ASB3: variants seen among roughly 807,000 people sequenced by gnomAD.
ASB3 encodes ankyrin repeat and SOCS box containing 3.
A neutral mutation model predicts 54.5 loss-of-function variants in ASB3; 41 were observed. The observed-to-expected ratio is 0.75, with a 90% CI of 0.59 to 0.98. The LOEUF (loss-of-function observed/expected upper bound fraction) is 0.98, where lower values mean the gene tolerates loss of function less well. Among genes scored for constraint, ASB3 ranks in the 50% least tolerant of loss-of-function variants. ASB3 has a pLI of 0.00. For synonymous variants in ASB3, 266 were observed against 221.2 expected, an observed-to-expected ratio of 1.20 and a Z score of -1.80; for missense variants, 733 against 620.0, an observed-to-expected ratio of 1.18 and a Z score of -1.94.
At chr2:53,678,488 C>G (rs1668201078) in intron 9 of ASB3, among the ~76,000 whole-genome samples, 1 of 152,150 alleles carries the variant, frequency 6.6e-6, no homozygotes, top group African/African-American at 2.4e-5. Context: ...GCCACTTGAC[C>G]AATTTGTGAG....
rs572942837 is a variant in ASB3, at chr2:53,698,516, T to A, written c.1238+1755A>T. Reference sequence around the variant, plus strand: ...CTCTATAAGTGGCCACAAGTAGCCATGCAGCAGCCTGAATGCTTTGCTACT... The same window carrying A: ...CTCTATAAGTGGCCACAAGTAGCCAAGCAGCAGCCTGAATGCTTTGCTACT... On this transcript the variant is annotated intron_variant, in intron 8 of 9. Coordinates refer to ENST00000263634, the MANE Select transcript of ASB3 (RefSeq NM_016115.5). 8.5e-5 allele frequency among the ~76,000 whole-genome samples: 13 copies of A among 152,322 alleles called. No homozygotes were observed. In the South Asian group the frequency reaches 2.3e-3, roughly 27 times the overall value.
intron 1 of ASB3, among the ~76,000 whole-genome samples, chr2:53,765,979 A>G (rs1017933959): frequency 2.6e-5 from 4 of 152,028 alleles, no homozygotes; most frequent in African/African-American, 9.7e-5. Flanking sequence ...CCCAGTGTAC[A>G]CTACATTATG....
At chr2:53,758,443 A>G (rs991211067) in intron 2 of ASB3, among the ~76,000 whole-genome samples, 1 of 152,164 alleles carries the variant, frequency 6.6e-6, no homozygotes, top group African/African-American at 2.4e-5. Flanking sequence ...GGTTACCTAC[A>G]CCCTCTCTGA....
chr2:53,692,540 T>C (rs896094705), intron 9 of ASB3, among the ~76,000 whole-genome samples: 7 of 152,170 alleles, frequency 4.6e-5, no homozygotes, highest in African/African-American at 1.7e-4. Flanking sequence ...CTCTACCTAG[T>C]ACTTAATTAA....
intron 9 of ASB3, among the ~76,000 whole-genome samples, chr2:53,676,789 G>C (rs1668103120): frequency 6.6e-6 from 1 of 151,938 alleles, no homozygotes; most frequent in Non-Finnish European, 1.5e-5. Flanking sequence ...GTTTTGTTTT[G>C]AGACGGAGTC....
At chr2:53,679,876 T>C (rs1668272596) in intron 9 of ASB3, among the ~76,000 whole-genome samples, 1 of 152,166 alleles carries the variant, frequency 6.6e-6, no homozygotes, top group African/African-American at 2.4e-5. Flanking sequence ...TTCGTTATTT[T>C]TTCCTGGTCC....
At chr2:53,681,061 C>T (rs900401624) in intron 9 of ASB3, among the ~76,000 whole-genome samples, 24 of 152,168 alleles carry the variant, frequency 1.6e-4, no homozygotes, top group Admixed American at 2.6e-4. Context: ...ATGACAGGCT[C>T]TCATTCTTTT....
chr2:53,697,792 G>A (rs1558522961), intron 8 of ASB3, among the ~76,000 whole-genome samples: 1 of 152,180 alleles, frequency 6.6e-6, no homozygotes, highest in Non-Finnish European at 1.5e-5. Context: ...GGGCTTCCTG[G>A]ATAAACTGGG....
At chr2:53,753,044 T>TAA (rs201677821) in intron 2 of ASB3, among the ~76,000 whole-genome samples, 6 of 150,736 alleles carry the variant, frequency 4.0e-5, no homozygotes, top group African/African-American at 9.7e-5. Flanking sequence ...TGTACGCAAT[T>TAA]TAAAAAAAAA....
At chr2:53,716,267 G>C (rs1185789321) in intron 6 of ASB3, among the ~76,000 whole-genome samples, 1 of 152,160 alleles carries the variant, frequency 6.6e-6, no homozygotes, top group Non-Finnish European at 1.5e-5. Flanking sequence ...TAAAACTAGG[G>C]AGGAGGAGGC....
At chr2:53,678,683 G>A (rs1668212063) in intron 9 of ASB3, among the ~76,000 whole-genome samples, 1 of 152,170 alleles carries the variant, frequency 6.6e-6, no homozygotes, top group Non-Finnish European at 1.5e-5. Flanking sequence ...TGTATGCTAA[G>A]TGGAGGATGG....
intron 2 of ASB3, among the ~76,000 whole-genome samples, chr2:53,761,330 T>C (rs1673133101): frequency 6.6e-6 from 1 of 152,036 alleles, no homozygotes. Context: ...ATGATCAGGA[T>C]ATAAACTCAG....
intron 9 of ASB3, among the ~76,000 whole-genome samples, chr2:53,687,342 C>A (rs752482838): frequency 6.6e-6 from 1 of 152,124 alleles, no homozygotes; most frequent in South Asian, 2.1e-4. Flanking sequence ...AACCAAGGCA[C>A]GAATCTGCTA....
intron 7 of ASB3, among the ~76,000 whole-genome samples, 185 bp from the exon 8 acceptor site, chr2:53,700,713 C>T (rs1365793217): frequency 6.6e-6 from 1 of 152,066 alleles, no homozygotes; most frequent in Non-Finnish European, 1.5e-5. Context: ...TTTACACCCT[C>T]CTGCATGGTT....
intron 9 of ASB3, among the ~76,000 whole-genome samples, chr2:53,673,300 G>A (rs1667914243): frequency 6.6e-6 from 1 of 152,184 alleles, no homozygotes; most frequent in South Asian, 2.1e-4. Flanking sequence ...AAGGATGGCT[G>A]TGCAACCCGG....
Position 53,759,633 on chromosome 2 carries a change from G to A in ASB3, c.196+5744C>T, listed in dbSNP as rs569285840. ...GGTCTTCAGGCAAATGGACTTTGAA[G>A]GCTCTGGAACAGGGAAAGGCTGGGC... On this transcript the variant is annotated intron_variant, in intron 2 of 9. Transcript: ENST00000263634. Among the ~76,000 whole-genome samples the A allele has an allele frequency of 3.5e-4, 54 of 152,280 alleles. No homozygotes were observed. In the South Asian group the frequency reaches 0.01, roughly 29 times the overall value.
chr2:53,736,685 T>G (rs1385449309), intron 3 of ASB3, among the ~76,000 whole-genome samples: 10 of 123,218 alleles, frequency 8.1e-5, no homozygotes, highest in Admixed American at 3.4e-4. Context: ...GGCGACAGAG[T>G]GAGATTCCAT....
rs187837995 is a variant in ASB3 at position 53,709,434 on chromosome 2, T to C, written c.980+4950A>G. Among the ~76,000 whole-genome samples the C allele has an allele frequency of 2.9e-3, 438 of 152,278 alleles. 2 individuals are homozygous for C. The highest frequency in any genetic ancestry group is 4.8e-3 in the Non-Finnish European group (324 of 68,018). On this transcript the variant is annotated intron_variant, in intron 7 of 9. Transcript: ENST00000263634. ...GCCCAGCATAAAGGGCCTTCTTTCT[T>C]TGCATTGGTCTTGCCTCTACCCCAT... is the stretch of plus-strand genomic sequence containing the variant.
chr2:53,729,705 T>G (rs759800954), intron 3 of ASB3, 135 bp from the exon 4 acceptor site: 9 of 679,500 alleles, frequency 1.3e-5, no homozygotes, highest in Non-Finnish European at 2.3e-5. Flanking sequence ...GTTATCACAA[T>G]TGTCTTAGCC....
Sources: gnomAD v4.1 joint callset for allele counts (sites outside exome capture counted in the v4.1 genomes callset) on GRCh38, gnomAD v4.1.1 for gene constraint, MANE v1.5 for transcripts, NCBI Gene and HGNC (gene_info 2026-07-23, HGNC 2026-07-21) for gene names.